BAHCC1: variants seen among roughly 807,000 people sequenced by gnomAD.
BAHCC1 encodes BAH domain and coiled-coil containing 1, also known as BAH and coiled-coil domain-containing protein 1.
In BAHCC1, 43 loss-of-function variants were observed where a neutral mutation model predicts 88.2. The ratio of observed to expected loss-of-function variants is 0.49; its 90% CI spans 0.38 to 0.63. The LOEUF (loss-of-function observed/expected upper bound fraction) is 0.63, where lower values mean the gene tolerates loss of function less well. BAHCC1 is among the 20% of genes least tolerant of loss of function. The pLI, the probability that BAHCC1 is intolerant of heterozygous loss-of-function variation, is 0.00. For synonymous variants in BAHCC1, 1,510 were observed against 745.5 expected (o/e 2.03, Z -16.71); for missense variants, 3,023 against 1,654.8 (o/e 1.83, Z -14.34).
At chr17:81,454,733 C>T (rs934974913) in intron 14 of BAHCC1, among the ~76,000 whole-genome samples, 1 of 152,310 alleles carries the variant, frequency 6.6e-6, no homozygotes, top group Admixed American at 6.5e-5. Flanking sequence ...ATAAGCCCTG[C>T]CCCAGACTCA....
In BAHCC1 at chr17:81,452,739, C is replaced by T. The variant is rs1350157423; in HGVS notation, c.4333C>T (p.Arg1445Trp). Reference sequence around the variant, plus strand: ...GGCCCCCAGGAGAGACGAGAGTTCACGGAGCCCTGCACGGCGGGGGCCTGG... The same window carrying T: ...GGCCCCCAGGAGAGACGAGAGTTCATGGAGCCCTGCACGGCGGGGGCCTGG... ...KHDHERDESS[R>W]SPARRGPGRP... The change falls in exon 14 of 28, where the codon CGG becomes TGG. Residue 1445 changes from arginine to tryptophan, a missense_variant. Arg to Trp is a moderately radical substitution (Grantham distance 101). Transcript: ENST00000675386. The T allele has an allele frequency of 2.3e-5, 17 of 752,554 alleles. No individual in the cohort carries two copies. The highest frequency in any genetic ancestry group is 2.3e-4 in the Middle Eastern group (1 of 4,356). The allele number at this position is 752,554 out of a possible 1,614,324, so 46.6% of individuals were successfully genotyped here.
At chr17:81,437,306 G>T (rs552390171) in intron 3 of BAHCC1, among the ~76,000 whole-genome samples, 1 of 152,258 alleles carries the variant, frequency 6.6e-6, no homozygotes, top group Non-Finnish European at 1.5e-5. Context: ...AAGGCAGGCC[G>T]GCCGGCACTG....
chr17:81,422,018 T>TC, intron 2 of BAHCC1: 4 of 332,578 alleles, frequency 1.2e-5, no homozygotes, highest in African/African-American at 2.2e-5. Context: ...CTCGTGATTT[T>TC]TTTTTTTCTT....
Position 81,447,088 on chromosome 17 carries a change from C to G in BAHCC1, c.3216C>G (p.Pro1072=), listed in dbSNP as rs782493060. The change falls in exon 11 of 28, where the codon CCC becomes CCG. Residue 1072 remains proline, a synonymous_variant. Coordinates refer to ENST00000675386, the MANE Select transcript of BAHCC1 (RefSeq NM_001377448.1). ...TGGCTGGCCTGGGCTTCTCCCTACC[C>G]TCAGACGTGCACTCTTCTAACCTCG... is the stretch of plus-strand genomic sequence containing the variant. ...RPMAGLGFSL[P]SDVHSSNLED... is the part of the protein sequence containing the mutation. 3.8e-6 allele frequency: 3 copies of G among 779,446 alleles called. No individual in the cohort carries two copies. In the South Asian group the frequency reaches 4.0e-5, roughly 10 times the overall value. The allele number at this position is 779,446 out of a possible 1,614,324, so 48.3% of individuals were successfully genotyped here. A position where few individuals can be genotyped will look rare whatever the true frequency, so the allele number is the denominator to read the frequency against.
chr17:81,453,399 G>T (rs895413624), intron 14 of BAHCC1, among the ~76,000 whole-genome samples: 2 of 152,272 alleles, frequency 1.3e-5, no homozygotes, highest in Non-Finnish European at 2.9e-5. Flanking sequence ...CACGATTGGC[G>T]CGTGCGTGTG....
intron 9 of BAHCC1, 58 bp downstream of exon 9, chr17:81,445,236 C>T (rs376234044): frequency 2.5e-5 from 18 of 724,720 alleles, no homozygotes; most frequent in East Asian, 1.1e-4. Context: ...CCTGCCTGGC[C>T]GGACCTGGCT....
At position 81,399,996 on chromosome 17, in the gene BAHCC1, G is replaced by A. The variant is rs2063793843; in HGVS notation, c.178+79G>A. ...GGCGCCCACCCCTCCGCTCCCGGGA[G>A]CAGAGAAGCTTTGGTTTCATTTCCC... On this transcript the variant is annotated intron_variant, in intron 2 of 27. Transcript: ENST00000675386. The surrounding 1 kb of genome is among the most constrained non-coding windows in gnomAD (Gnocchi z 4.5). The A allele has an allele frequency of 8.7e-7, 1 of 1,152,884 alleles. No individual in the cohort carries two copies. Among genetic ancestry groups the A allele is most frequent in the South Asian group, 3.3e-5 (1 of 30,612 alleles). 71.4% of individuals were successfully genotyped at this position (1,152,884 alleles called of 1,614,324 possible). A position where few individuals can be genotyped will look rare whatever the true frequency, so the allele number is the denominator to read the frequency against.
chr17:81,428,103 G>A (rs953730261), intron 3 of BAHCC1, among the ~76,000 whole-genome samples: 5 of 152,136 alleles, frequency 3.3e-5, no homozygotes, highest in East Asian at 3.9e-4. Context: ...CTTGGGATGC[G>A]GTGGGCAGCA....
intron 2 of BAHCC1, among the ~76,000 whole-genome samples, chr17:81,405,756 T>G (rs936476138): frequency 3.3e-5 from 5 of 152,196 alleles, no homozygotes; most frequent in African/African-American, 4.8e-5. Context: ...GCTTCCTCCC[T>G]ACCATAAATA....
intron 2 of BAHCC1, among the ~76,000 whole-genome samples, chr17:81,417,653 G>A (rs2064052506): frequency 6.7e-6 from 1 of 150,158 alleles, no homozygotes; most frequent in Non-Finnish European, 1.5e-5. Context: ...CTGGGCTGTC[G>A]GTGGCTGAGC....
At chr17:81,407,439 C>T in intron 2 of BAHCC1, 1 of 516,246 alleles carries the variant, frequency 1.9e-6, no homozygotes, top group South Asian at 1.4e-5. Context: ...TTGCTTTCTT[C>T]CCCTGAGACT....
chr17:81,447,296 C>A lies in BAHCC1; in HGVS notation c.3424C>A (p.Gln1142Lys). The change falls in exon 11 of 28, where the codon CAG becomes AAG. Residue 1142 changes from glutamine (Q) to lysine (K), a missense_variant. Transcript: ENST00000675386. ...CCCCTACCCTACCGAGCGGGGACCCCAGGGGAAGGCAGCGGACCCCAGCCC... is the reference window on the plus strand; with the variant it reads ...CCCCTACCCTACCGAGCGGGGACCCAAGGGGAAGGCAGCGGACCCCAGCCC... ...ATPYPTERGP[Q>K]GKAADPSPLE... 1.4e-6 allele frequency: 1 copy of A among 736,692 alleles called. No homozygotes were observed. The highest frequency in any genetic ancestry group is 2.5e-5 in the East Asian group (1 of 40,152). 45.6% of individuals were successfully genotyped at this position (736,692 alleles called of 1,614,324 possible).
chr17:81,452,707 C>T lies in BAHCC1; in HGVS notation c.4317-16C>T, dbSNP rs782193986. The T allele has an allele frequency of 2.7e-6, 2 of 742,858 alleles. No homozygotes were observed. The highest frequency in any genetic ancestry group is 1.4e-5 in the South Asian group (1 of 70,412). The allele number at this position is 742,858 out of a possible 1,614,324, so 46.0% of individuals were successfully genotyped here. A position where few individuals can be genotyped will look rare whatever the true frequency, so the allele number is the denominator to read the frequency against. Reference sequence around the variant, plus strand: ...GTTGTGCATGAGCCTCTGACCATCCCCCCTGCGGCCCCCAGGAGAGACGAG... The same window carrying T: ...GTTGTGCATGAGCCTCTGACCATCCTCCCTGCGGCCCCCAGGAGAGACGAG... On this transcript the variant is annotated splice_polypyrimidine_tract_variant and intron_variant, in intron 13 of 27. Transcript: ENST00000675386.
At chr17:81,424,552 G>A (rs536591047) in intron 2 of BAHCC1, among the ~76,000 whole-genome samples, 1 of 152,310 alleles carries the variant, frequency 6.6e-6, no homozygotes, top group Admixed American at 6.5e-5. Context: ...GATGATTGGT[G>A]ATTGATGATG....
Position 81,451,848 on chromosome 17 carries a change from C to G in BAHCC1, c.4157C>G (p.Thr1386Ser), listed in dbSNP as rs782206430. The part of the protein sequence containing the change: ...PRMQILQRKD[T>S]WTPKTKPVCP... ...ATGCAGATCCTGCAGCGCAAGGACA[C>G]CTGGACCCCCAAGACCAAGCCTGTG... Residue 1386 changes from threonine to serine, a missense_variant, in exon 12 of 28, where the codon ACC becomes AGC. Transcript: ENST00000675386. 1 of 747,650 alleles carries G rather than the reference C, an allele frequency of 1.3e-6. No individual in the cohort carries two copies. The highest frequency in any genetic ancestry group is 2.4e-6 in the Non-Finnish European group (1 of 409,600). 46.3% of individuals were successfully genotyped at this position (747,650 alleles called of 1,614,324 possible). A position where few individuals can be genotyped will look rare whatever the true frequency, so the allele number is the denominator to read the frequency against.
At chr17:81,405,967 C>T (rs1488255109) in intron 2 of BAHCC1, among the ~76,000 whole-genome samples, 3 of 152,200 alleles carry the variant, frequency 2.0e-5, no homozygotes, top group Non-Finnish European at 4.4e-5. Flanking sequence ...GCTGTGGAAG[C>T]GATACAGGGA....
At chr17:81,421,906 C>T (rs1555649624) in intron 2 of BAHCC1, 1 of 396,516 alleles carries the variant, frequency 2.5e-6, no homozygotes, top group Non-Finnish European at 5.1e-6. Flanking sequence ...CATGCGACCC[C>T]ATGTGATACT....
At chr17:81,429,289 G>T (rs2064234178) in intron 3 of BAHCC1, among the ~76,000 whole-genome samples, 1 of 152,220 alleles carries the variant, frequency 6.6e-6, no homozygotes, top group South Asian at 2.1e-4. Flanking sequence ...GGGTGGCAGA[G>T]CCTCCAAGGC....
At chr17:81,445,974 G>C (rs1172304966) in intron 10 of BAHCC1, among the ~76,000 whole-genome samples, 12 of 152,352 alleles carry the variant, frequency 7.9e-5, no homozygotes, top group African/African-American at 2.9e-4. Flanking sequence ...TGAAGGCGGG[G>C]CCTGCTGGTG....
Sources: gnomAD v4.1 joint callset for allele counts (sites outside exome capture counted in the v4.1 genomes callset) on GRCh38, gnomAD v4.1.1 for gene constraint, Gnocchi (gnomAD v3.1) non-coding constraint, MANE v1.5 for transcripts, NCBI Gene and HGNC (gene_info 2026-07-23, HGNC 2026-07-21) for gene names.